Variants in RARB observed in about 807,000 individuals in gnomAD.
RARB encodes HBV-activated protein.
In RARB, 17 loss-of-function variants were observed where a neutral mutation model predicts 51.9. The ratio of observed to expected loss-of-function variants is 0.33; its 90% CI spans 0.22 to 0.49. The LOEUF (loss-of-function observed/expected upper bound fraction) is 0.49. Among genes scored for constraint, RARB ranks in the 20% least tolerant of loss-of-function variants. The pLI is 0.99. For missense variants in RARB, 369 were observed against 550.8 expected (o/e 0.67, Z 3.30); for synonymous variants, 215 against 195.4 (o/e 1.10, Z -0.84).
intron 2 of RARB, among the ~76,000 whole-genome samples, chr3:25,473,204 TTGAG>T (rs1695784375): frequency 6.6e-6 from 1 of 152,118 alleles, no homozygotes; most frequent in Non-Finnish European, 1.5e-5. Context: ...GTTGTTGTTA[TTGAG>T]TATTTTTCCA....
At position 25,592,330 on chromosome 3, in the gene RARB, A is replaced by G. The variant is rs370318295; in HGVS notation, c.787-1173A>G. Among the ~76,000 whole-genome samples, 7 of 152,004 alleles carry G rather than the reference A, an allele frequency of 4.6e-5. No individual in the cohort carries two copies. In the East Asian group the frequency reaches 5.8e-4, roughly 13 times the overall value. Reference sequence around the variant, plus strand: ...CTGGGAAAAACTTTCAACTTCTTCAACCTCCTGAGTTATTCACTTTTGTCC... The same window carrying G: ...CTGGGAAAAACTTTCAACTTCTTCAGCCTCCTGAGTTATTCACTTTTGTCC... On this transcript the variant is annotated intron_variant, in intron 5 of 7. Transcript: ENST00000330688.
chr3:25,071,209 A>G (rs745956489), intron 3 of RARB, among the ~76,000 whole-genome samples: 16 of 152,238 alleles, frequency 1.1e-4, no homozygotes, highest in Admixed American at 2.0e-4. Flanking sequence ...TGCTCAATAA[A>G]TATTTATGGA....
At chr3:25,104,120 ACT>A (rs1384617807) in intron 3 of RARB, among the ~76,000 whole-genome samples, 1 of 152,096 alleles carries the variant, frequency 6.6e-6, no homozygotes, top group African/African-American at 2.4e-5. Flanking sequence ...AAAAAGTGTC[ACT>A]CTGTTCAATA....
chr3:25,130,164 C>G (rs962247160), intron 3 of RARB, among the ~76,000 whole-genome samples: 1 of 151,994 alleles, frequency 6.6e-6, no homozygotes, highest in African/African-American at 2.4e-5. Context: ...ATGTTTTGTT[C>G]ATTTACAGGT....
intron 5 of RARB, among the ~76,000 whole-genome samples, chr3:25,212,688 T>G (rs2125379265): frequency 6.6e-6 from 1 of 152,316 alleles, no homozygotes; most frequent in Middle Eastern, 3.4e-3. Context: ...TCCCTAAATC[T>G]TTATATCACC....
At chr3:24,861,909 G>C (rs997452360) in intron 2 of RARB, among the ~76,000 whole-genome samples, 1 of 152,226 alleles carries the variant, frequency 6.6e-6, no homozygotes, top group Non-Finnish European at 1.5e-5. Context: ...AGAACCACTG[G>C]TAGGGCAGTA....
chr3:25,595,277 T>A (rs1701773667), intron 7 of RARB, among the ~76,000 whole-genome samples: 1 of 151,986 alleles, frequency 6.6e-6, no homozygotes, highest in African/African-American at 2.4e-5. Flanking sequence ...TCAGCAGCTA[T>A]CCCTGGTACC....
At chr3:25,522,294 A>G (rs1222279947) in intron 3 of RARB, among the ~76,000 whole-genome samples, 2 of 152,104 alleles carry the variant, frequency 1.3e-5, no homozygotes, top group African/African-American at 4.8e-5. Flanking sequence ...TTGCCAGTAA[A>G]CTGCGGTTGG....
chr3:25,471,887 A>C (rs915172707), intron 2 of RARB, among the ~76,000 whole-genome samples: 1 of 152,144 alleles, frequency 6.6e-6, no homozygotes, highest in Non-Finnish European at 1.5e-5. Flanking sequence ...TAAAGAGGTG[A>C]TATGAAATGA....
chr3:25,397,534 C>T (rs572448444), intron 5 of RARB, among the ~76,000 whole-genome samples: 1 of 152,314 alleles, frequency 6.6e-6, no homozygotes, highest in South Asian at 2.1e-4. Flanking sequence ...CAAGTGGAAC[C>T]TGCAAGTTAG....
chr3:24,858,527 G>A (rs1200652253), intron 1 of RARB: 2 of 152,204 alleles, frequency 1.3e-5, no homozygotes, highest in African/African-American at 2.4e-5. Context: ...AAAGAACTTG[G>A]TAGTCTCCTC....
chr3:25,592,142 C>T (rs1480366969), intron 5 of RARB, among the ~76,000 whole-genome samples: 2 of 152,182 alleles, frequency 1.3e-5, no homozygotes, highest in Admixed American at 1.3e-4. Context: ...TTTACTACTC[C>T]TCCTAGGTAG....
rs142201484 is a variant in RARB, at chr3:25,156,563, C to G, written c.-279-17556C>G. On this transcript the variant is annotated intron_variant, in intron 4 of 11. Transcript: ENST00000383772. ...AAAAAAAAAAGGCAGTTAGACTTTTCACTTAATTTTTAATCCTAATTTTTA... is the reference window on the plus strand; with the variant it reads ...AAAAAAAAAAGGCAGTTAGACTTTTGACTTAATTTTTAATCCTAATTTTTA... Among the ~76,000 whole-genome samples, 65 of 125,972 alleles carry G rather than the reference C, an allele frequency of 5.2e-4. No individual in the cohort carries two copies. The East Asian group carries it at 0.012, about 23-fold the overall frequency. The allele number at this position is 125,972 out of a possible 152,430, so 82.6% of individuals were successfully genotyped here.
At chr3:25,098,967 G>A (rs895613959) in intron 3 of RARB, among the ~76,000 whole-genome samples, 1 of 152,150 alleles carries the variant, frequency 6.6e-6, no homozygotes, top group Non-Finnish European at 1.5e-5. Flanking sequence ...GCAGCCTCAT[G>A]ACATCCCTGT....
At chr3:25,576,112 A>G (rs1414477021) in intron 4 of RARB, among the ~76,000 whole-genome samples, 1 of 120,716 alleles carries the variant, frequency 8.3e-6, no homozygotes, top group African/African-American at 3.2e-5. Context: ...AACACGGCAC[A>G]GGGTTTCACA....
chr3:25,358,712 C>G (rs1479254637), intron 5 of RARB, among the ~76,000 whole-genome samples: 1 of 152,114 alleles, frequency 6.6e-6, no homozygotes, highest in Non-Finnish European at 1.5e-5. Flanking sequence ...TTATTGAAGG[C>G]TTTTCCTGCA....
At chr3:24,857,106 A>G (rs1198833374) in intron 1 of RARB, among the ~76,000 whole-genome samples, 4 of 152,210 alleles carry the variant, frequency 2.6e-5, no homozygotes, top group African/African-American at 9.7e-5. Flanking sequence ...CTCATCAGTA[A>G]GATTCATACA....
At chr3:24,977,937 T>C (rs921175206) in intron 2 of RARB, among the ~76,000 whole-genome samples, 1 of 152,216 alleles carries the variant, frequency 6.6e-6, no homozygotes, top group Non-Finnish European at 1.5e-5. Context: ...CATCAGTACC[T>C]AGTTTATTGA....
intron 4 of RARB, among the ~76,000 whole-genome samples, chr3:25,168,824 A>G (rs1213629184): frequency 2.0e-5 from 3 of 152,240 alleles, no homozygotes; most frequent in South Asian, 2.1e-4. Flanking sequence ...AGATATTATC[A>G]AAGGAAGCAT....
Sources: allele counts gnomAD v4.1 joint callset (sites outside exome capture counted in the v4.1 genomes callset), GRCh38; gene constraint gnomAD v4.1.1; transcripts MANE v1.5; gene names NCBI Gene and HGNC (gene_info 2026-07-23, HGNC 2026-07-21).